The following NSD1 variants were observed in gnomAD, a reference collection of about 807,000 sequenced individuals.
NSD1 encodes histone-lysine N-methyltransferase, H3 lysine-36 specific.
In NSD1, 26 loss-of-function variants were observed where a neutral mutation model predicts 242.7. The observed-to-expected ratio is 0.11, with a 90% CI of 0.08 to 0.15. The LOEUF (loss-of-function observed/expected upper bound fraction) is 0.15, where lower values mean the gene tolerates loss of function less well. Among genes scored for constraint, NSD1 ranks in the 10% least tolerant of loss-of-function variants. The probability of loss-of-function intolerance (pLI) is 1.00; values close to 1 mark genes in which losing one functional copy is unlikely to be tolerated. For synonymous variants in NSD1, 1,106 were observed against 1,178.1 expected, an observed-to-expected ratio of 0.94 and a Z score of 1.25; for missense variants, 2,495 against 3,272.8, an observed-to-expected ratio of 0.76 and a Z score of 5.80.
intron 4 of NSD1, among the ~76,000 whole-genome samples, chr5:177,205,746 T>C (rs957276949): frequency 2.0e-5 from 3 of 151,114 alleles, no homozygotes; most frequent in Non-Finnish European, 4.4e-5. Context: ...TAATATTCTC[T>C]TATATTCAAT....
intron 22 of NSD1, 25 bp from the exon 23 acceptor site, chr5:177,293,806 CT>C (rs1395672288): frequency 3.1e-6 from 5 of 1,612,972 alleles, no homozygotes; most frequent in South Asian, 2.2e-5. Flanking sequence ...TTTTCCTAAA[CT>C]TTTGATTTAC....
chr5:177,291,382 C>G (rs893251826), intron 21 of NSD1, among the ~76,000 whole-genome samples: 1 of 152,166 alleles, frequency 6.6e-6, no homozygotes, highest in African/African-American at 2.4e-5. Context: ...TGGCCAGGTG[C>G]GGTGGCTCAC....
At chr5:177,253,896 G>C (rs1328629592) in intron 12 of NSD1, among the ~76,000 whole-genome samples, 1 of 152,166 alleles carries the variant, frequency 6.6e-6, no homozygotes, top group African/African-American at 2.4e-5. Flanking sequence ...TTCAGCCTCT[G>C]AAAGTGTTGG....
At chr5:177,278,597 A>G (rs1414762392) in intron 17 of NSD1, among the ~76,000 whole-genome samples, 1 of 152,234 alleles carries the variant, frequency 6.6e-6, no homozygotes, top group Non-Finnish European at 1.5e-5. Flanking sequence ...AATCTAGAAT[A>G]TTTGATATGA....
rs759912489 is a variant in NSD1, at chr5:177,248,250, C to T, written c.4567C>T (p.Pro1523Ser). 3 of 1,613,882 alleles carry T rather than the reference C, an allele frequency of 1.9e-6. No individual in the cohort carries two copies. Among genetic ancestry groups the T allele is most frequent in the African/African-American group, 2.7e-5 (2 of 74,884 alleles). ...TGTTGAGGAAGGTGTAGAACACGAT[C>T]CCGGGATGCCTGCCTCTAAAAAAAT... ...ETVEEGVEHD[P>S]GMPASKKMQG... The change falls in exon 11 of 23, where the codon CCC (proline) becomes TCC (serine). Residue 1523 changes from proline to serine, a missense_variant. Pro to Ser is a moderately conservative substitution (Grantham distance 74, BLOSUM62 -1). Around this residue, in one of 19 missense-constraint regions of NSD1, gnomAD observed 97 missense variants for 97.7 expected, o/e 0.99. Transcript: ENST00000439151.
intron 9 of NSD1, among the ~76,000 whole-genome samples, chr5:177,245,888 T>C (rs572546173): frequency 6.6e-6 from 1 of 152,206 alleles, no homozygotes; most frequent in South Asian, 2.1e-4. Context: ...CTGTCCACCT[T>C]GGCCTCCCAA....
At chr5:177,244,133 A>G (rs1471302773) in intron 8 of NSD1, 62 bp from the exon 9 acceptor site, 9 of 1,217,258 alleles carry the variant, frequency 7.4e-6, no homozygotes, top group African/African-American at 3.0e-5. Flanking sequence ...ACTTTGGCAT[A>G]TAAAGTAAAG....
In NSD1 at chr5:177,293,963, C is replaced by T. The variant is rs1760065523; in HGVS notation, c.6595C>T (p.Arg2199Cys). ...GMLFISKLDGRLSCTEHDPCG... is the reference protein window; with the variant it reads ...GMLFISKLDGCLSCTEHDPCG... ...GCTTTTCATTTCCAAACTGGATGGGCGTCTGTCTTGTACTGAGCATGACCC... is the reference window on the plus strand; with the variant it reads ...GCTTTTCATTTCCAAACTGGATGGGTGTCTGTCTTGTACTGAGCATGACCC... The change falls in exon 23 of 23, where the codon CGT becomes TGT. Residue 2199 changes from arginine (R) to cysteine (C), a missense_variant. Around this residue, in one of 19 missense-constraint regions of NSD1, gnomAD observed 33 missense variants for 134.8 expected, o/e 0.24. Transcript: ENST00000439151. 1 of 1,613,932 alleles carries T rather than the reference C, an allele frequency of 6.2e-7. No homozygotes were observed. Among genetic ancestry groups the T allele is most frequent in the Non-Finnish European group, 8.5e-7 (1 of 1,180,024 alleles).
intron 12 of NSD1, among the ~76,000 whole-genome samples, chr5:177,254,095 G>T (rs986833695): frequency 6.6e-6 from 1 of 152,054 alleles, no homozygotes; most frequent in Non-Finnish European, 1.5e-5. Flanking sequence ...TTACAGGCAT[G>T]TGCCACCACT....
chr5:177,162,507 C>T (rs1232242025), intron 2 of NSD1, among the ~76,000 whole-genome samples: 1 of 151,986 alleles, frequency 6.6e-6, no homozygotes, highest in Non-Finnish European at 1.5e-5. Flanking sequence ...GCGATCCTCT[C>T]ACCTCTGCCT....
chr5:177,166,997 C>CCTT (rs1759260592), intron 2 of NSD1, among the ~76,000 whole-genome samples: 1 of 151,686 alleles, frequency 6.6e-6, no homozygotes, highest in Non-Finnish European at 1.5e-5. Context: ...CTGCCCACCT[C>CCTT]GGCCTCCCAA....
At chr5:177,268,535 C>G (rs1178619504) in intron 15 of NSD1, among the ~76,000 whole-genome samples, 1 of 152,046 alleles carries the variant, frequency 6.6e-6, no homozygotes, top group Non-Finnish European at 1.5e-5. Context: ...ATGTAACATG[C>G]ATGACTTTAA....
intron 2 of NSD1, among the ~76,000 whole-genome samples, chr5:177,185,261 A>G (rs967188978): frequency 6.6e-6 from 1 of 151,986 alleles, no homozygotes; most frequent in African/African-American, 2.4e-5. Flanking sequence ...TGAGCTCAGG[A>G]GTTTGGGACC....
chr5:177,174,211 A>G (rs1225201408), intron 2 of NSD1, among the ~76,000 whole-genome samples: 1 of 152,102 alleles, frequency 6.6e-6, no homozygotes, highest in Admixed American at 6.6e-5. Context: ...TTAAAAATAC[A>G]AAAATTAGCA....
intron 4 of NSD1, among the ~76,000 whole-genome samples, chr5:177,209,133 T>C (rs763629073): frequency 4.6e-5 from 7 of 152,174 alleles, no homozygotes; most frequent in African/African-American, 1.4e-4. Context: ...AGAAGTATTT[T>C]TGAGGAAGCT....
intron 2 of NSD1, among the ~76,000 whole-genome samples, chr5:177,187,528 G>A (rs7710269): frequency 0.26 from 39,260 of 152,016 alleles, 6,375 homozygotes; most frequent in East Asian, 0.51. Context: ...CTGTTGTAAT[G>A]CAATACCACA....
chr5:177,204,777 G>GT (rs201136477), intron 4 of NSD1, among the ~76,000 whole-genome samples: 1,600 of 151,088 alleles, frequency 0.011, 20 homozygotes, highest in African/African-American at 0.036. Context: ...ATGCAGGTGG[G>GT]TTTTTTTTGT....
At chr5:177,270,463 C>G (rs1369828871) in intron 16 of NSD1, among the ~76,000 whole-genome samples, 1 of 152,108 alleles carries the variant, frequency 6.6e-6, no homozygotes, top group Non-Finnish European at 1.5e-5. Context: ...ATTGGTATCC[C>G]CTTAGTGGTA....
intron 2 of NSD1, among the ~76,000 whole-genome samples, chr5:177,163,967 A>G (rs75492654): frequency 0.025 from 3,866 of 152,184 alleles, 50 homozygotes; most frequent in African/African-American, 0.029. Flanking sequence ...TTTTGTAAAT[A>G]GAAGGTTAAA....
Sources: allele counts gnomAD v4.1 joint callset (sites outside exome capture counted in the v4.1 genomes callset), GRCh38; gene constraint gnomAD v4.1.1; regional missense constraint gnomAD v4.1.1; transcripts MANE v1.5; gene names NCBI Gene and HGNC (gene_info 2026-07-23, HGNC 2026-07-21).